The following VOPP1 variants were observed in gnomAD, a reference collection of about 807,000 sequenced individuals.
The protein encoded by VOPP1 is VOPP1 WW domain binding protein, also known as WW domain binding protein VOPP1.
In VOPP1, 8 loss-of-function variants were observed where a neutral mutation model predicts 23.5. That is an observed-to-expected ratio of 0.34 (90% CI 0.20 to 0.61). VOPP1 has a LOEUF of 0.61. Ranked by LOEUF, VOPP1 falls within the 20% of genes least tolerant of loss-of-function variation. The pLI, the probability that VOPP1 is intolerant of heterozygous loss-of-function variation, is 0.78. For missense variants in VOPP1, 174 were observed against 238.1 expected, an observed-to-expected ratio of 0.73 and a Z score of 1.77; for synonymous variants, 83 against 97.3, an observed-to-expected ratio of 0.85 and a Z score of 0.86.
intron 4 of VOPP1, among the ~76,000 whole-genome samples, chr7:55,452,120 A>T (rs776354840): frequency 6.6e-6 from 1 of 152,186 alleles, no homozygotes; most frequent in Non-Finnish European, 1.5e-5. Flanking sequence ...TAAGTTTATG[A>T]TATATTCTGA....
chr7:55,480,334 C>T (rs1027486570), intron 4 of VOPP1, among the ~76,000 whole-genome samples: 2 of 152,170 alleles, frequency 1.3e-5, no homozygotes, highest in Admixed American at 6.5e-5. Context: ...AAAGTACTTA[C>T]GCACTTTGCC....
chr7:55,530,616 C>A (rs1161184518), intron 1 of VOPP1, among the ~76,000 whole-genome samples: 2 of 152,164 alleles, frequency 1.3e-5, no homozygotes, highest in Non-Finnish European at 2.9e-5. Context: ...TGTCTACAAG[C>A]TGAAGTTTTC....
intron 4 of VOPP1, among the ~76,000 whole-genome samples, chr7:55,457,165 C>T (rs1298016211): frequency 1.3e-5 from 2 of 152,074 alleles, no homozygotes; most frequent in Non-Finnish European, 2.9e-5. Context: ...TTTTTAGCTC[C>T]CATATATTGC....
chr7:55,514,841 G>T (rs1053275598), intron 2 of VOPP1, among the ~76,000 whole-genome samples: 5 of 152,214 alleles, frequency 3.3e-5, no homozygotes, highest in African/African-American at 1.2e-4. Context: ...AGGACAACTT[G>T]GGGCCATCCT....
chr7:55,503,336 A>G (rs1169887555), intron 2 of VOPP1, among the ~76,000 whole-genome samples: 3 of 152,136 alleles, frequency 2.0e-5, no homozygotes, highest in African/African-American at 7.2e-5. Flanking sequence ...GAGTTTTTGG[A>G]GCCTAAGAAG....
intron 1 of VOPP1, among the ~76,000 whole-genome samples, chr7:55,541,580 A>G (rs141641862): frequency 6.6e-6 from 1 of 152,268 alleles, no homozygotes; most frequent in African/African-American, 2.4e-5. Context: ...AACAGTCATC[A>G]CATAACCTAG....
chr7:55,558,536 G>A (rs549104332), intron 1 of VOPP1, among the ~76,000 whole-genome samples: 77 of 152,052 alleles, frequency 5.1e-4, no homozygotes, highest in Admixed American at 1.0e-3. Flanking sequence ...TGCTTTAATC[G>A]GGGAGAGGAC....
At chr7:55,529,841 TAC>T (rs1796399334) in intron 1 of VOPP1, among the ~76,000 whole-genome samples, 1 of 152,212 alleles carries the variant, frequency 6.6e-6, no homozygotes, top group Admixed American at 6.5e-5. Context: ...TCATACAACT[TAC>T]AGTCTCTTAC....
chr7:55,521,759 T>C (rs1033767719), intron 1 of VOPP1: 72 of 967,866 alleles, frequency 7.4e-5, no homozygotes, highest in African/African-American at 1.1e-4. Flanking sequence ...CAGGGCAGGG[T>C]GGGTGAGTGC....
intron 1 of VOPP1, among the ~76,000 whole-genome samples, chr7:55,566,254 T>C (rs966929384): frequency 3.3e-5 from 5 of 152,016 alleles, no homozygotes; most frequent in African/African-American, 1.2e-4. Flanking sequence ...GCCACTGAAG[T>C]CCAACATCAA....
intron 1 of VOPP1, chr7:55,562,179 G>T: frequency 1.5e-6 from 1 of 679,084 alleles, no homozygotes. Flanking sequence ...AGCTTTCCAA[G>T]GGCGCTCCTC....
intron 2 of VOPP1, among the ~76,000 whole-genome samples, chr7:55,503,431 T>C (rs1385527980): frequency 2.6e-5 from 4 of 152,178 alleles, no homozygotes; most frequent in Non-Finnish European, 4.4e-5. Context: ...TTGGGTTACA[T>C]AAATCTCACG....
At chr7:55,555,569 T>C (rs1038523775) in intron 1 of VOPP1, among the ~76,000 whole-genome samples, 1 of 152,190 alleles carries the variant, frequency 6.6e-6, no homozygotes, top group African/African-American at 2.4e-5. Context: ...ATCCAGCTCT[T>C]AGTGGTCATG....
At chr7:55,474,755 G>A (rs1792104469) in intron 4 of VOPP1, among the ~76,000 whole-genome samples, 2 of 152,230 alleles carry the variant, frequency 1.3e-5, no homozygotes, top group Admixed American at 6.5e-5. Flanking sequence ...GGAAGGTGGT[G>A]GTGGAAACAT....
At chr7:55,476,780 C>T (rs185592507) in intron 4 of VOPP1, among the ~76,000 whole-genome samples, 1 of 152,328 alleles carries the variant, frequency 6.6e-6, no homozygotes, top group Admixed American at 6.5e-5. Flanking sequence ...AGGGGCAGAG[C>T]TCGTTCCTGC....
In VOPP1 at chr7:55,525,407, T is replaced by C. The variant is rs539345744; in HGVS notation, c.55-4277A>G. Among the ~76,000 whole-genome samples the C allele has an allele frequency of 4.0e-5, 6 of 150,248 alleles. No homozygotes were observed. In the South Asian group the frequency reaches 1.3e-3, roughly 32 times the overall value. ...AGGAGACTGAGTCAGGAGAATGGCG[T>C]GAACTCGGGAGGCGGAGCTTGCAGT... On this transcript the variant is annotated intron_variant, in intron 1 of 4. Transcript: ENST00000285279.
At chr7:55,544,131 G>A (rs1797259648) in intron 1 of VOPP1, among the ~76,000 whole-genome samples, 1 of 152,098 alleles carries the variant, frequency 6.6e-6, no homozygotes, top group African/African-American at 2.4e-5. Flanking sequence ...TCTTCATATG[G>A]ATGTACAGTT....
intron 1 of VOPP1, among the ~76,000 whole-genome samples, chr7:55,524,894 C>CAAAGCACCAGCA (rs1796078669): frequency 1.3e-5 from 2 of 152,174 alleles, no homozygotes; most frequent in African/African-American, 4.8e-5. Context: ...AGCACCAGGA[C>CAAAGCACCAGCA]TCAGGACAAA....
At chr7:55,436,625 TGTGTGC>T (rs1790830164) in intron 4 of VOPP1, among the ~76,000 whole-genome samples, 1 of 140,340 alleles carries the variant, frequency 7.1e-6, no homozygotes, top group Non-Finnish European at 1.6e-5. Flanking sequence ...TGAGTGTGTG[TGTGTGC>T]GTGTGTGTGC....
Sources: gnomAD v4.1 joint callset for allele counts (sites outside exome capture counted in the v4.1 genomes callset) on GRCh38, gnomAD v4.1.1 for gene constraint, MANE v1.5 for transcripts, NCBI Gene and HGNC (gene_info 2026-07-23, HGNC 2026-07-21) for gene names.